Variants in PIK3C2G observed in about 807,000 individuals in gnomAD.
The protein encoded by PIK3C2G is phosphatidylinositol-4-phosphate 3-kinase catalytic subunit type 2 gamma, also known as phosphatidylinositol 3-kinase C2 domain-containing subunit gamma.
A neutral mutation model predicts 181.1 loss-of-function variants in PIK3C2G; 168 were observed. That is an observed-to-expected ratio of 0.93 (90% CI 0.82 to 1.05). The LOEUF (loss-of-function observed/expected upper bound fraction) is 1.05. Among genes scored for constraint, PIK3C2G ranks in the 50% least tolerant of loss-of-function variants. The pLI is 0.00. For missense variants in PIK3C2G, 1,869 were observed against 1,732.8 expected, an observed-to-expected ratio of 1.08 and a Z score of -1.40; for synonymous variants, 573 against 592.2, an observed-to-expected ratio of 0.97 and a Z score of 0.47.
chr12:18,299,749 T>C (rs532419869), intron 5 of PIK3C2G, among the ~76,000 whole-genome samples: 9 of 152,104 alleles, frequency 5.9e-5, no homozygotes, highest in Non-Finnish European at 1.2e-4. Context: ...ATCAAGAATG[T>C]TTAGTTTCAT....
At chr12:18,649,858 T>C (rs1387283751), downstream of PIK3C2G, among the ~76,000 whole-genome samples, 1 of 152,088 alleles carries the variant, frequency 6.6e-6, no homozygotes, top group Non-Finnish European at 1.5e-5. Flanking sequence ...AGTTATAGTT[T>C]AGTTTAGCTT....
chr12:18,694,071 A>C, the PIK3C2G span: 1 of 1,278,956 alleles, frequency 7.8e-7, no homozygotes, highest in Non-Finnish European at 1.1e-6. Flanking sequence ...AAGAAACAGG[A>C]AGACACCCCT....
intron 24 of PIK3C2G, among the ~76,000 whole-genome samples, chr12:18,513,647 C>G (rs564414945): frequency 6.6e-6 from 1 of 151,822 alleles, no homozygotes; most frequent in East Asian, 1.9e-4. Context: ...AATGTCTCCT[C>G]TTTCACTTTT....
chr12:18,656,987 G>T, the PIK3C2G span, among the ~76,000 whole-genome samples: 1 of 152,022 alleles, frequency 6.6e-6, no homozygotes, highest in Non-Finnish European at 1.5e-5. Context: ...TTTGTATAGG[G>T]TCCTAATATG....
At chr12:18,700,983 GAT>G in the PIK3C2G span, among the ~76,000 whole-genome samples, 1 of 27,592 alleles carries the variant, frequency 3.6e-5, no homozygotes, top group South Asian at 3.0e-3. Flanking sequence ...CAATTATAGA[GAT>G]TTTTTTTTTT....
the PIK3C2G span, among the ~76,000 whole-genome samples, chr12:18,675,246 C>A: frequency 6.6e-6 from 1 of 152,164 alleles, no homozygotes; most frequent in Admixed American, 6.5e-5. Flanking sequence ...GTAAAACCAG[C>A]AAATCAGCTT....
rs1293318162 is a variant in PIK3C2G at position 18,293,967 on chromosome 12, C to T, written c.986C>T (p.Pro329Leu). 1 of 1,600,760 alleles carries T rather than the reference C, an allele frequency of 6.2e-7. No individual in the cohort carries two copies. The highest frequency in any genetic ancestry group is 8.6e-7 in the Non-Finnish European group (1 of 1,168,196). The change falls in exon 5 of 33, where the codon CCC (proline) becomes CTC (leucine). Residue 329 changes from proline (P) to leucine (L), a missense_variant. Pro to Leu is a moderately conservative substitution (Grantham distance 98). Transcript: ENST00000538779. ...TTTTGCACAAATGACCAGCTACTCC[C>T]CAAAGATCATATTCTAAGTGTATGT... ...LHFCTNDQLL[P>L]KDHILSVCGS...
At chr12:18,470,203 G>A (rs2135973287) in intron 18 of PIK3C2G, among the ~76,000 whole-genome samples, 1 of 152,186 alleles carries the variant, frequency 6.6e-6, no homozygotes, top group East Asian at 1.9e-4. Flanking sequence ...TGGCAAAGAA[G>A]CAGTTAAGAT....
In PIK3C2G at chr12:18,315,596, A is replaced by G. The variant is rs541910529; in HGVS notation, c.1137+1532A>G. Among the ~76,000 whole-genome samples, 9 of 152,314 alleles carry G rather than the reference A, an allele frequency of 5.9e-5. No homozygotes were observed. The South Asian group carries it at 1.9e-3, about 32-fold the overall frequency. ...TTATTCTGATATAGGGCATACATAC[A>G]TGTCTGAGACTTTAACATTTCTATC... On this transcript the variant is annotated intron_variant, in intron 6 of 32. Coordinates refer to ENST00000538779, the MANE Select transcript of PIK3C2G (RefSeq NM_001288772.2).
downstream of PIK3C2G, among the ~76,000 whole-genome samples, chr12:18,649,336 C>A (rs1950319994): frequency 6.6e-6 from 1 of 152,098 alleles, no homozygotes; most frequent in South Asian, 2.1e-4. Flanking sequence ...ACTACCCATG[C>A]TCCTATCCCA....
intron 18 of PIK3C2G, among the ~76,000 whole-genome samples, chr12:18,463,801 A>G (rs1948047059): frequency 6.6e-6 from 1 of 152,120 alleles, no homozygotes; most frequent in African/African-American, 2.4e-5. Flanking sequence ...GAGCCTCCAA[A>G]TCCCTCCTCC....
intron 10 of PIK3C2G, among the ~76,000 whole-genome samples, chr12:18,343,571 C>A (rs1440694298): frequency 6.6e-6 from 1 of 151,586 alleles, no homozygotes. Context: ...GAATAAAAAT[C>A]TGCACTCTCT....
chr12:18,338,270 G>C (rs1938742768), intron 8 of PIK3C2G, among the ~76,000 whole-genome samples, 156 bp from the exon 9 acceptor site: 1 of 152,078 alleles, frequency 6.6e-6, no homozygotes, highest in South Asian at 2.1e-4. Flanking sequence ...CCAGTCACAG[G>C]ATAACCAGAG....
the PIK3C2G span, among the ~76,000 whole-genome samples, chr12:18,709,118 T>C: frequency 1.3e-5 from 2 of 152,204 alleles, no homozygotes; most frequent in Non-Finnish European, 2.9e-5. Context: ...TTTTCTCCTA[T>C]GTTCCCTTTT....
chr12:18,264,284 A>G (rs889229429), intron 1 of PIK3C2G, among the ~76,000 whole-genome samples: 1 of 152,030 alleles, frequency 6.6e-6, no homozygotes, highest in Admixed American at 6.6e-5. Flanking sequence ...TGCTTTCCAG[A>G]TTAGAAATTG....
the PIK3C2G span, chr12:18,683,519 C>T: frequency 2.6e-6 from 4 of 1,511,926 alleles, no homozygotes; most frequent in Non-Finnish European, 3.6e-6. Flanking sequence ...TCCTAACTGC[C>T]CAAAACTGAA....
intron 25 of PIK3C2G, among the ~76,000 whole-genome samples, chr12:18,545,636 T>C (rs1944384077): frequency 6.6e-6 from 1 of 151,904 alleles, no homozygotes; most frequent in Non-Finnish European, 1.5e-5. Flanking sequence ...TTCCTGATAA[T>C]TGGCAGGAAA....
At chr12:18,631,482 G>A (rs59081147) in intron 31 of PIK3C2G, among the ~76,000 whole-genome samples, 2 of 152,106 alleles carry the variant, frequency 1.3e-5, no homozygotes, top group Admixed American at 6.6e-5. Flanking sequence ...CTGTAATGTG[G>A]AGTTTATTCT....
the PIK3C2G span, among the ~76,000 whole-genome samples, chr12:18,721,692 T>G: frequency 6.6e-6 from 1 of 150,544 alleles, no homozygotes; most frequent in Non-Finnish European, 1.5e-5. Context: ...AATTCACTAC[T>G]TCCTTAGAGA....
Sources: allele counts gnomAD v4.1 joint callset (sites outside exome capture counted in the v4.1 genomes callset), GRCh38; gene constraint gnomAD v4.1.1; transcripts MANE v1.5; gene names NCBI Gene and HGNC (gene_info 2026-07-23, HGNC 2026-07-21).